Variants in TCF12 observed in about 807,000 individuals in gnomAD.
TCF12 encodes DNA-binding protein HTF4.
A neutral mutation model predicts 86.0 loss-of-function variants in TCF12; 45 were observed. The observed-to-expected ratio is 0.52, with a 90% CI of 0.41 to 0.67. The LOEUF is 0.67. Ranked by LOEUF, TCF12 falls within the 30% of genes least tolerant of loss-of-function variation. The probability of loss-of-function intolerance (pLI) is 0.00; values close to 1 mark genes in which losing one functional copy is unlikely to be tolerated. For synonymous variants in TCF12, 330 were observed against 299.6 expected (o/e 1.10, Z -1.05); for missense variants, 881 against 859.9 (o/e 1.02, Z -0.31).
In TCF12 at chr15:57,288,325, A is replaced by G. The variant is rs542574100; in HGVS notation, c.*2180A>G. On this transcript the variant is annotated 3_prime_UTR_variant, in exon 21 of 21. Coordinates refer to ENST00000333725, the MANE Select transcript of TCF12 (RefSeq NM_207037.2). Reference sequence around the variant, plus strand: ...AATTGTTGGAGATGAATTGCTTCTCATCTTGTTCTCCAGTTTCCATTGTTG... The same window carrying G: ...AATTGTTGGAGATGAATTGCTTCTCGTCTTGTTCTCCAGTTTCCATTGTTG... 6 of 152,728 alleles carry G rather than the reference A, an allele frequency of 3.9e-5. No individual in the cohort carries two copies. Among genetic ancestry groups the G allele is most frequent in the South Asian group, 4.1e-4 (2 of 4,826 alleles). The allele number at this position is 152,728 out of a possible 1,614,324, so 9.5% of individuals were successfully genotyped here. A position where few individuals can be genotyped will look rare whatever the true frequency, so the allele number is the denominator to read the frequency against.
intron 5 of TCF12, among the ~76,000 whole-genome samples, chr15:57,121,058 C>G (rs1168692683): frequency 6.6e-6 from 1 of 152,132 alleles, no homozygotes; most frequent in Admixed American, 6.6e-5. Context: ...TAATCTGGAA[C>G]AGGAGTTTTA....
At chr15:56,978,966 T>C (rs2062752972) in intron 3 of TCF12, among the ~76,000 whole-genome samples, 1 of 152,236 alleles carries the variant, frequency 6.6e-6, no homozygotes, top group Non-Finnish European at 1.5e-5. Context: ...TTGTGTAAAA[T>C]GTGCTGGTGG....
chr15:57,193,766 G>A (rs1196471061), intron 7 of TCF12, among the ~76,000 whole-genome samples: 1 of 152,074 alleles, frequency 6.6e-6, no homozygotes, highest in Non-Finnish European at 1.5e-5. Flanking sequence ...GTTTGCTTGT[G>A]GGTATAAAAG....
intron 3 of TCF12, among the ~76,000 whole-genome samples, chr15:57,000,249 G>T (rs993152600): frequency 6.6e-6 from 1 of 150,890 alleles, no homozygotes; most frequent in Non-Finnish European, 1.5e-5. Flanking sequence ...ATCATAGTTC[G>T]TTACAGCCTC....
intron 3 of TCF12, among the ~76,000 whole-genome samples, chr15:57,043,565 T>G (rs1429131045): frequency 1.3e-5 from 2 of 152,176 alleles, no homozygotes; most frequent in Non-Finnish European, 2.9e-5. Context: ...TTGAGCACAT[T>G]TTTATGTACC....
At chr15:57,037,623 G>A (rs935046700) in intron 3 of TCF12, among the ~76,000 whole-genome samples, 1 of 152,122 alleles carries the variant, frequency 6.6e-6, no homozygotes, top group Admixed American at 6.5e-5. Context: ...AAAATTGTTC[G>A]GTTTCTTATG....
downstream of TCF12, chr15:57,291,266 C>T (rs1376681596): frequency 2.0e-5 from 3 of 152,224 alleles, no homozygotes; most frequent in African/African-American, 7.2e-5. Flanking sequence ...TCAATCATCT[C>T]TACTCATAAT....
chr15:57,104,446 T>TC (rs1272475783), intron 5 of TCF12, among the ~76,000 whole-genome samples: 12 of 145,102 alleles, frequency 8.3e-5, no homozygotes, highest in South Asian at 2.2e-4. Flanking sequence ...TTTTTTTTTT[T>TC]TTTTTTTTTT....
intron 3 of TCF12, among the ~76,000 whole-genome samples, chr15:57,030,973 T>C (rs1217524538): frequency 6.6e-6 from 1 of 152,228 alleles, no homozygotes; most frequent in Non-Finnish European, 1.5e-5. Context: ...TCAAGGATTA[T>C]ATAGTTGATG....
chr15:57,170,705 A>T (rs375293455), intron 6 of TCF12, among the ~76,000 whole-genome samples: 19,844 of 33,530 alleles, frequency 0.59, 5,029 homozygotes, highest in Non-Finnish European at 0.66. Context: ...TATTATATAT[A>T]ATATATAATA....
chr15:57,151,198 C>A (rs1446260937), intron 5 of TCF12, among the ~76,000 whole-genome samples: 1 of 134,888 alleles, frequency 7.4e-6, no homozygotes, highest in Non-Finnish European at 1.6e-5. Context: ...CCAGGCTGGT[C>A]TTAAACTCCC....
intron 8 of TCF12, among the ~76,000 whole-genome samples, chr15:57,226,904 G>C (rs1347215174): frequency 7.1e-6 from 1 of 139,888 alleles, no homozygotes; most frequent in African/African-American, 2.4e-5. Flanking sequence ...GTGTTCAGTA[G>C]TCATGTGACT....
intron 18 of TCF12, among the ~76,000 whole-genome samples, chr15:57,267,999 T>TA (rs2060948591): frequency 6.6e-6 from 1 of 152,318 alleles, no homozygotes; most frequent in East Asian, 1.9e-4. Context: ...TATCTACTGT[T>TA]ACAGTGGTAG....
intron 6 of TCF12, among the ~76,000 whole-genome samples, chr15:57,179,089 C>G (rs564304286): frequency 6.6e-6 from 1 of 151,890 alleles, no homozygotes; most frequent in African/African-American, 2.4e-5. Flanking sequence ...TTTCCTATTG[C>G]GACTAATAAT....
At chr15:57,252,225 G>A (rs2060149237) in intron 14 of TCF12, 196 bp from the exon 15 acceptor site, 7 of 487,862 alleles carry the variant, frequency 1.4e-5, no homozygotes, top group Non-Finnish European at 1.1e-5. Flanking sequence ...TAAGCAATGT[G>A]TGCTGTTTAG....
intron 5 of TCF12, among the ~76,000 whole-genome samples, chr15:57,155,572 C>T (rs2054058268): frequency 6.6e-6 from 1 of 152,076 alleles, no homozygotes; most frequent in Non-Finnish European, 1.5e-5. Context: ...AGGTGGGAGG[C>T]TGACTTGAGG....
chr15:57,241,110 TTC>T (rs201353379), intron 12 of TCF12, among the ~76,000 whole-genome samples: 2 of 150,530 alleles, frequency 1.3e-5, no homozygotes, highest in Admixed American at 6.6e-5. Context: ...TTTTTTTTTT[TTC>T]ATACACTGTC....
At chr15:57,130,697 T>G (rs1328327533) in intron 5 of TCF12, among the ~76,000 whole-genome samples, 2 of 152,194 alleles carry the variant, frequency 1.3e-5, no homozygotes, top group Non-Finnish European at 2.9e-5. Flanking sequence ...TTTTCTGGTT[T>G]TGGTGTTTTC....
At chr15:57,062,178 G>C (rs538323360) in intron 3 of TCF12, among the ~76,000 whole-genome samples, 18 of 151,978 alleles carry the variant, frequency 1.2e-4, no homozygotes, top group Non-Finnish European at 1.9e-4. Context: ...GGATGGTCTC[G>C]ATCTCCTGAC....
Sources: allele counts gnomAD v4.1 joint callset (sites outside exome capture counted in the v4.1 genomes callset), GRCh38; gene constraint gnomAD v4.1.1; transcripts MANE v1.5; gene names NCBI Gene and HGNC (gene_info 2026-07-23, HGNC 2026-07-21).